The following AMPH variants were observed in gnomAD, a reference collection of about 807,000 sequenced individuals.
AMPH encodes the protein amphiphysin (Stiff-Mann syndrome with breast cancer 128kD autoantigen).
A neutral mutation model predicts 99.1 loss-of-function variants in AMPH; 49 were observed. The ratio of observed to expected loss-of-function variants is 0.49; its 90% CI spans 0.39 to 0.63. AMPH has a LOEUF of 0.63. Ranked by LOEUF, AMPH falls within the 20% of genes least tolerant of loss-of-function variation. AMPH has a pLI of 0.00. For synonymous variants in AMPH, 314 were observed against 317.3 expected, an observed-to-expected ratio of 0.99 and a Z score of 0.11; for missense variants, 759 against 863.4, an observed-to-expected ratio of 0.88 and a Z score of 1.52.
intron 2 of AMPH, among the ~76,000 whole-genome samples, chr7:38,533,095 G>A (rs1400920795): frequency 1.3e-5 from 2 of 152,138 alleles, no homozygotes; most frequent in Non-Finnish European, 1.5e-5. Context: ...GGAAGTTCCT[G>A]CAATCCAAGA....
intron 1 of AMPH, among the ~76,000 whole-genome samples, chr7:38,574,231 G>A (rs79589481): frequency 0.064 from 9,735 of 152,154 alleles, 358 homozygotes; most frequent in East Asian, 0.12. Context: ...TGTGCCAGAC[G>A]ACAGAGATGA....
In AMPH at chr7:38,393,937, C is replaced by G. The variant is rs1413788878; in HGVS notation, c.1608+68G>C. 4.0e-6 allele frequency: 6 copies of G among 1,515,992 alleles called. No homozygotes were observed. The Admixed American group carries it at 1.0e-4, about 25-fold the overall frequency. 93.9% of individuals were successfully genotyped at this position (1,515,992 alleles called of 1,614,324 possible). ...CATCCAAAGAGTTATCACCATGAAC[C>G]AACCAACAGAGCACCCAGCCCATGC... On this transcript the variant is annotated intron_variant, in intron 18 of 20. Transcript: ENST00000356264.
intron 11 of AMPH, among the ~76,000 whole-genome samples, chr7:38,447,123 G>A (rs6462843): frequency 0.03 from 4,517 of 152,110 alleles, 198 homozygotes; most frequent in African/African-American, 0.1. Flanking sequence ...GGGTTCAAGC[G>A]ATTCTCCTGC....
intron 1 of AMPH, among the ~76,000 whole-genome samples, chr7:38,584,286 C>T (rs1359412999): frequency 6.6e-6 from 1 of 152,140 alleles, no homozygotes; most frequent in Admixed American, 6.5e-5. Context: ...CCAGATGCAT[C>T]TTATACATTT....
intron 1 of AMPH, among the ~76,000 whole-genome samples, chr7:38,606,775 A>C (rs981621149): frequency 1.3e-5 from 2 of 151,872 alleles, no homozygotes; most frequent in African/African-American, 4.8e-5. Flanking sequence ...GGGTCTTGCT[A>C]TGTTGCCCAG....
rs111286784 is a variant in AMPH at position 38,503,544 on chromosome 7, G to T, written c.205+106C>A. ...ACACCTGTGTTCAAGCATCCATCTTGCCAGGAAGCCAAATGGCTTTGTAAT... is the reference window on the plus strand; with the variant it reads ...ACACCTGTGTTCAAGCATCCATCTTTCCAGGAAGCCAAATGGCTTTGTAAT... On this transcript the variant is annotated intron_variant, in intron 3 of 20. Transcript: ENST00000356264. The T allele has an allele frequency of 2.4e-5, 25 of 1,042,744 alleles. 1 individual carries two copies. Among genetic ancestry groups the T allele is most frequent in the African/African-American group, 1.7e-4 (11 of 63,160 alleles). The allele number at this position is 1,042,744 out of a possible 1,614,324, so 64.6% of individuals were successfully genotyped here.
intron 17 of AMPH, among the ~76,000 whole-genome samples, chr7:38,400,027 A>G (rs954540530): frequency 2.6e-5 from 4 of 152,190 alleles, no homozygotes; most frequent in African/African-American, 9.7e-5. Flanking sequence ...TTCTGGAGAG[A>G]GTAGGTGGTG....
intron 2 of AMPH, among the ~76,000 whole-genome samples, chr7:38,528,041 T>G (rs1355876776): frequency 1.3e-5 from 2 of 152,160 alleles, no homozygotes; most frequent in Non-Finnish European, 2.9e-5. Context: ...ATATGGTAAA[T>G]TACATTGATT....
chr7:38,590,645 T>C (rs562386594), intron 1 of AMPH, among the ~76,000 whole-genome samples: 1 of 152,328 alleles, frequency 6.6e-6, no homozygotes, highest in South Asian at 2.1e-4. Flanking sequence ...ATTTGTATTT[T>C]AGTGAGCCCT....
At chr7:38,520,199 T>C (rs1367164601) in intron 2 of AMPH, among the ~76,000 whole-genome samples, 3 of 152,114 alleles carry the variant, frequency 2.0e-5, no homozygotes, top group Non-Finnish European at 2.9e-5. Context: ...CTATTAGACA[T>C]CAACTTATCA....
chr7:38,536,212 A>C (rs1192163407), intron 1 of AMPH, among the ~76,000 whole-genome samples: 1 of 152,220 alleles, frequency 6.6e-6, no homozygotes, highest in African/African-American at 2.4e-5. Flanking sequence ...ACAGGACATA[A>C]GTAACAAATT....
intron 10 of AMPH, among the ~76,000 whole-genome samples, chr7:38,462,524 C>T (rs1318119195): frequency 1.3e-5 from 2 of 152,156 alleles, no homozygotes; most frequent in Non-Finnish European, 2.9e-5. Context: ...AGTGGCCACT[C>T]ATATGCAAGT....
At chr7:38,591,616 C>T (rs968650254) in intron 1 of AMPH, among the ~76,000 whole-genome samples, 1 of 152,070 alleles carries the variant, frequency 6.6e-6, no homozygotes. Flanking sequence ...AAACTCGGCT[C>T]TCATAAGTTA....
chr7:38,612,868 C>T (rs1255378891), intron 1 of AMPH, among the ~76,000 whole-genome samples: 1 of 152,178 alleles, frequency 6.6e-6, no homozygotes, highest in African/African-American at 2.4e-5. Flanking sequence ...ACACTTAGAT[C>T]CTCTTTTATG....
chr7:38,560,504 G>A (rs1252315787), intron 1 of AMPH, among the ~76,000 whole-genome samples: 4 of 152,182 alleles, frequency 2.6e-5, no homozygotes, highest in African/African-American at 9.7e-5. Context: ...GTTACACAGT[G>A]CAAGCTAGCT....
intron 3 of AMPH, among the ~76,000 whole-genome samples, chr7:38,495,175 T>C (rs114378396): frequency 0.015 from 2,342 of 152,274 alleles, 64 homozygotes; most frequent in African/African-American, 0.053. Flanking sequence ...CGATGAATAA[T>C]GAAACCAATT....
intron 1 of AMPH, among the ~76,000 whole-genome samples, chr7:38,594,978 T>C (rs6945114): frequency 0.41 from 62,962 of 152,018 alleles, 13,273 homozygotes; most frequent in Non-Finnish European, 0.45. Context: ...TAGGCCACTG[T>C]TGTGGTGTAC....
intron 1 of AMPH, among the ~76,000 whole-genome samples, chr7:38,571,335 TATATAGAATATATATATTTAC>T (rs1792007647): frequency 3.3e-5 from 2 of 60,468 alleles, no homozygotes; most frequent in East Asian, 3.1e-4. Flanking sequence ...TATATATTTA[TATATAGAATATATATATTTAC>T]ATATAGAATA....
At chr7:38,492,299 T>C (rs3778880) in intron 4 of AMPH, among the ~76,000 whole-genome samples, 23,770 of 152,092 alleles carry the variant, frequency 0.16, 2,282 homozygotes, top group East Asian at 0.37. Context: ...TCATCCTCCT[T>C]GCTAACTGGC....
Sources: allele counts gnomAD v4.1 joint callset (sites outside exome capture counted in the v4.1 genomes callset), GRCh38; gene constraint gnomAD v4.1.1; transcripts MANE v1.5; gene names NCBI Gene and HGNC (gene_info 2026-07-23, HGNC 2026-07-21).